Variants in CLIP2 observed in about 807,000 individuals in gnomAD.
The protein encoded by CLIP2 is CAP-Gly domain containing linker protein 2.
Under a neutral mutation model 111.7 loss-of-function variants are expected in CLIP2, and 41 were observed. The ratio of observed to expected loss-of-function variants is 0.37; its 90% CI spans 0.29 to 0.48. The LOEUF (loss-of-function observed/expected upper bound fraction) is 0.48. Among genes scored for constraint, CLIP2 ranks in the 20% least tolerant of loss-of-function variants. CLIP2 has a pLI of 0.99. For synonymous variants in CLIP2, 660 were observed against 644.2 expected (o/e 1.02, Z -0.37); for missense variants, 1,160 against 1,422.1 (o/e 0.82, Z 2.96).
At chr7:74,292,530 G>A (rs1301725311) in intron 1 of CLIP2, among the ~76,000 whole-genome samples, 3 of 151,960 alleles carry the variant, frequency 2.0e-5, no homozygotes, top group African/African-American at 2.4e-5. Flanking sequence ...GGGACTACAG[G>A]CCCATGCCAC....
chr7:74,339,974 C>T (rs942825781), intron 3 of CLIP2, among the ~76,000 whole-genome samples: 2 of 151,996 alleles, frequency 1.3e-5, no homozygotes, highest in African/African-American at 4.8e-5. Context: ...TGACCCTGTA[C>T]TCCCAGCTAC....
chr7:74,372,544 G>A (rs1389221586), intron 8 of CLIP2, among the ~76,000 whole-genome samples: 1 of 151,912 alleles, frequency 6.6e-6, no homozygotes, highest in Non-Finnish European at 1.5e-5. Context: ...CTCCCCAGGA[G>A]CAGATCCTTG....
chr7:74,333,203 A>G (rs1363000675), intron 2 of CLIP2, among the ~76,000 whole-genome samples: 2 of 152,024 alleles, frequency 1.3e-5, no homozygotes, highest in African/African-American at 4.8e-5. Flanking sequence ...TTTTTTTTTG[A>G]GACAGAGTCT....
intron 11 of CLIP2, among the ~76,000 whole-genome samples, chr7:74,383,534 T>A (rs1404748869): frequency 2.0e-5 from 3 of 152,184 alleles, no homozygotes; most frequent in African/African-American, 7.2e-5. Context: ...GAAATTAACA[T>A]AAAATAGACA....
At chr7:74,357,148 G>A (rs2116607856) in intron 5 of CLIP2, 132 bp from the exon 6 acceptor site, 1 of 705,792 alleles carries the variant, frequency 1.4e-6, no homozygotes, top group Non-Finnish European at 2.5e-6. Context: ...GGCAGGGGAA[G>A]AGCAGGACCC....
chr7:74,307,610 C>G (rs1313284985), intron 1 of CLIP2, among the ~76,000 whole-genome samples: 2 of 152,146 alleles, frequency 1.3e-5, no homozygotes, highest in Non-Finnish European at 2.9e-5. Context: ...CCTGCCTCAG[C>G]CTCCCTAGTA....
In CLIP2 at chr7:74,330,381, C is replaced by T. The variant is rs537969981; in HGVS notation, c.122-8067C>T. ...AAGCGATTCTCCTTCCTCAGCCTTC[C>T]GAGTAGCTGGGATTACAGGTATGCG... is the stretch of plus-strand genomic sequence containing the variant. On this transcript the variant is annotated intron_variant, in intron 2 of 16. Transcript: ENST00000223398. Among the ~76,000 whole-genome samples, 6 of 151,794 alleles carry T rather than the reference C, an allele frequency of 4.0e-5. No homozygotes were observed. The South Asian group carries it at 1.2e-3, about 32-fold the overall frequency.
At chr7:74,328,482 C>T (rs931160121) in intron 2 of CLIP2, among the ~76,000 whole-genome samples, 1 of 152,004 alleles carries the variant, frequency 6.6e-6, no homozygotes, top group Non-Finnish European at 1.5e-5. Context: ...TCCTGGGGCT[C>T]ATGTTCTGGG....
chr7:74,306,224 T>C (rs1788484651), intron 1 of CLIP2, among the ~76,000 whole-genome samples: 1 of 151,956 alleles, frequency 6.6e-6, no homozygotes, highest in Non-Finnish European at 1.5e-5. Flanking sequence ...GCTTGTGGCA[T>C]GTGGGCAGGG....
chr7:74,322,043 G>T (rs1469362122), intron 2 of CLIP2, among the ~76,000 whole-genome samples: 2 of 147,826 alleles, frequency 1.4e-5, no homozygotes, highest in African/African-American at 2.5e-5. Flanking sequence ...GAGTGTAGTG[G>T]CACGATCTCA....
At chr7:74,372,647 G>A (rs1232994485) in intron 8 of CLIP2, among the ~76,000 whole-genome samples, 1 of 152,066 alleles carries the variant, frequency 6.6e-6, no homozygotes, top group Non-Finnish European at 1.5e-5. Flanking sequence ...GGGCCAGCGA[G>A]GGAGGATGGC....
intron 1 of CLIP2, among the ~76,000 whole-genome samples, chr7:74,301,718 T>TG (rs1365798481): frequency 1.3e-5 from 2 of 149,450 alleles, no homozygotes; most frequent in Non-Finnish European, 3.0e-5. Context: ...TGTTTTGTTT[T>TG]TTTTGTTTTT....
chr7:74,359,513 C>T (rs1790258194), intron 6 of CLIP2, among the ~76,000 whole-genome samples: 1 of 151,750 alleles, frequency 6.6e-6, no homozygotes, highest in African/African-American at 2.4e-5. Context: ...ACCACCACGC[C>T]CAGCTAATGT....
intron 2 of CLIP2, among the ~76,000 whole-genome samples, chr7:74,335,420 C>G (rs561928792): frequency 6.6e-6 from 1 of 152,228 alleles, no homozygotes; most frequent in African/African-American, 2.4e-5. Context: ...GTCTTGACCT[C>G]CTGGGCTCAA....
At chr7:74,307,438 G>T (rs1282867427) in intron 1 of CLIP2, among the ~76,000 whole-genome samples, 2 of 152,204 alleles carry the variant, frequency 1.3e-5, no homozygotes, top group African/African-American at 4.8e-5. Flanking sequence ...CAGGGGCTGG[G>T]GAGGACATGA....
intron 2 of CLIP2, among the ~76,000 whole-genome samples, chr7:74,330,660 T>C (rs1789254501): frequency 6.6e-6 from 1 of 152,152 alleles, no homozygotes; most frequent in African/African-American, 2.4e-5. Context: ...TGAACTCTGC[T>C]GTGTCACCAA....
At chr7:74,319,812 C>T (rs1229015444) in intron 2 of CLIP2, among the ~76,000 whole-genome samples, 9 of 102,354 alleles carry the variant, frequency 8.8e-5, no homozygotes, top group African/African-American at 2.6e-4. Flanking sequence ...CAGAGTGAGA[C>T]CCTAAAAAAA....
Position 74,397,333 on chromosome 7 carries a change from G to A in CLIP2, c.2880+100G>A, listed in dbSNP as rs1791484554. The A allele has an allele frequency of 4.9e-6, 6 of 1,219,598 alleles. No individual in the cohort carries two copies. In the East Asian group the frequency reaches 7.3e-5, roughly 15 times the overall value. 75.5% of individuals were successfully genotyped at this position (1,219,598 alleles called of 1,614,324 possible). A position where few individuals can be genotyped will look rare whatever the true frequency, so the allele number is the denominator to read the frequency against. On this transcript the variant is annotated intron_variant, in intron 14 of 16. Coordinates refer to ENST00000223398, the MANE Select transcript of CLIP2 (RefSeq NM_003388.5). ...ATGGAGACTGGAGACCTCCTGGAAT[G>A]ACCCCAGGGACAGCTGAGTCATGGT...
intron 3 of CLIP2, among the ~76,000 whole-genome samples, chr7:74,343,976 C>T (rs1250167412): frequency 6.6e-6 from 1 of 152,140 alleles, no homozygotes; most frequent in African/African-American, 2.4e-5. Flanking sequence ...TATGGCTGTG[C>T]ACAGTCTGAC....
Sources: allele counts gnomAD v4.1 joint callset (sites outside exome capture counted in the v4.1 genomes callset), GRCh38; gene constraint gnomAD v4.1.1; transcripts MANE v1.5; gene names NCBI Gene and HGNC (gene_info 2026-07-23, HGNC 2026-07-21).